The following MSRB3 variants were observed in gnomAD, a reference collection of about 807,000 sequenced individuals.
MSRB3 encodes the protein methionine sulfoxide reductase B3.
In MSRB3, 13 loss-of-function variants were observed where a neutral mutation model predicts 21.0. The observed-to-expected ratio is 0.62, with a 90% CI of 0.40 to 0.98. The LOEUF is 0.98. Ranked by LOEUF, MSRB3 falls within the 50% of genes least tolerant of loss-of-function variation. The pLI, the probability that MSRB3 is intolerant of heterozygous loss-of-function variation, is 0.00. For synonymous variants in MSRB3, 87 were observed against 88.6 expected, an observed-to-expected ratio of 0.98 and a Z score of 0.10; for missense variants, 199 against 230.3, an observed-to-expected ratio of 0.86 and a Z score of 0.88.
chr12:65,351,478 G>T (rs1177521980), intron 4 of MSRB3, among the ~76,000 whole-genome samples: 1 of 147,840 alleles, frequency 6.8e-6, no homozygotes, highest in Non-Finnish European at 1.5e-5. Context: ...AGAACTGAAG[G>T]AAATAGAGAC....
intron 1 of MSRB3, among the ~76,000 whole-genome samples, chr12:65,298,748 T>C (rs1873134597): frequency 6.6e-6 from 1 of 152,212 alleles, no homozygotes; most frequent in South Asian, 2.1e-4. Flanking sequence ...AGATATTTAC[T>C]TGTAATTTCC....
chr12:65,428,129 AATGG>A (rs1289367288), intron 5 of MSRB3, among the ~76,000 whole-genome samples: 1 of 152,070 alleles, frequency 6.6e-6, no homozygotes, highest in Non-Finnish European at 1.5e-5. Context: ...TGTGAAGAAT[AATGG>A]TTTGTTATTT....
At chr12:65,405,691 T>C (rs1386594226) in intron 5 of MSRB3, among the ~76,000 whole-genome samples, 1 of 152,100 alleles carries the variant, frequency 6.6e-6, no homozygotes, top group Non-Finnish European at 1.5e-5. Flanking sequence ...TCTATACTAA[T>C]TCCCACCAAC....
chr12:65,329,752 A>C (rs1238698885), intron 4 of MSRB3, among the ~76,000 whole-genome samples: 1 of 152,224 alleles, frequency 6.6e-6, no homozygotes, highest in Non-Finnish European at 1.5e-5. Flanking sequence ...AAACACACTT[A>C]ATATCTCTCC....
At chr12:65,283,431 G>A (rs1592484709) in intron 1 of MSRB3, among the ~76,000 whole-genome samples, 3 of 151,366 alleles carry the variant, frequency 2.0e-5, no homozygotes, top group Admixed American at 2.0e-4. Context: ...GAATCACCTA[G>A]AATTTTTTTT....
intron 5 of MSRB3, among the ~76,000 whole-genome samples, chr12:65,385,096 T>C (rs935176872): frequency 6.6e-6 from 1 of 152,152 alleles, no homozygotes; most frequent in Non-Finnish European, 1.5e-5. Context: ...AAATACTACA[T>C]AAAACAGCAA....
At chr12:65,396,747 A>AGAAAGAAAGAAG (rs1879835415) in intron 5 of MSRB3, among the ~76,000 whole-genome samples, 1 of 148,690 alleles carries the variant, frequency 6.7e-6, no homozygotes, top group African/African-American at 2.5e-5. Context: ...AAAGAAAGAA[A>AGAAAGAAAGAAG]GAAAGAAAAC....
At chr12:65,389,548 C>T (rs530661180) in intron 5 of MSRB3, among the ~76,000 whole-genome samples, 14 of 152,190 alleles carry the variant, frequency 9.2e-5, no homozygotes, top group Non-Finnish European at 1.9e-4. Flanking sequence ...CTAATTCTTG[C>T]TATCCTCACG....
At chr12:65,317,884 A>G in intron 2 of MSRB3, among the ~76,000 whole-genome samples, 1 of 152,322 alleles carries the variant, frequency 6.6e-6, no homozygotes, top group South Asian at 2.1e-4. Flanking sequence ...AATAGCAATA[A>G]TTAAAGTGGA....
chr12:65,455,864 G>A (rs1014566015), intron 6 of MSRB3, among the ~76,000 whole-genome samples: 1 of 152,134 alleles, frequency 6.6e-6, no homozygotes, highest in African/African-American at 2.4e-5. Context: ...AACCTCCCAA[G>A]TAGCTGGGAC....
At chr12:65,392,929 G>A (rs940846649) in intron 5 of MSRB3, among the ~76,000 whole-genome samples, 1 of 151,790 alleles carries the variant, frequency 6.6e-6, no homozygotes, top group Non-Finnish European at 1.5e-5. Flanking sequence ...TTTATTTTTT[G>A]TATTGAAAGA....
chr12:65,343,741 T>TA (rs1327275323), intron 4 of MSRB3, among the ~76,000 whole-genome samples: 9 of 152,040 alleles, frequency 5.9e-5, no homozygotes, highest in African/African-American at 2.2e-4. Context: ...GTCTGGCCCC[T>TA]AAGGCACCCT....
At chr12:65,452,915 A>G (rs1458413347) in intron 5 of MSRB3, among the ~76,000 whole-genome samples, 1 of 152,214 alleles carries the variant, frequency 6.6e-6, no homozygotes, top group Admixed American at 6.5e-5. Flanking sequence ...AACTCCAGAC[A>G]TATTTTGGGG....
intron 1 of MSRB3, among the ~76,000 whole-genome samples, chr12:65,301,093 T>C (rs1378950457): frequency 6.6e-6 from 1 of 152,016 alleles, no homozygotes; most frequent in Non-Finnish European, 1.5e-5. Context: ...TACACACATA[T>C]ATACACACAC....
intron 4 of MSRB3, among the ~76,000 whole-genome samples, chr12:65,337,161 T>A (rs1875819854): frequency 6.6e-6 from 1 of 151,958 alleles, no homozygotes; most frequent in South Asian, 2.1e-4. Flanking sequence ...GAGAATGGCG[T>A]GAACCCGGAA....
intron 5 of MSRB3, among the ~76,000 whole-genome samples, chr12:65,449,239 G>A (rs536202924): frequency 7.1e-6 from 1 of 141,676 alleles, no homozygotes; most frequent in South Asian, 2.2e-4. Flanking sequence ...GGGTTTCATT[G>A]TATTAGCCAG....
At chr12:65,306,180 T>C (rs557941921) in intron 1 of MSRB3, among the ~76,000 whole-genome samples, 31 of 152,336 alleles carry the variant, frequency 2.0e-4, no homozygotes, top group East Asian at 1.2e-3. Flanking sequence ...CAAATATATG[T>C]ATTTTAGATC....
intron 4 of MSRB3, among the ~76,000 whole-genome samples, chr12:65,360,468 A>G (rs1287036332): frequency 6.6e-6 from 1 of 152,130 alleles, no homozygotes; most frequent in African/African-American, 2.4e-5. Flanking sequence ...AGGCCTAGGG[A>G]AGAATTGTAG....
rs762663249 is a variant in MSRB3 at position 65,455,653 on chromosome 12, CAGAT to C, written c.390+1836_390+1839del. On this transcript the variant is annotated intron_variant, in intron 6 of 6. Transcript: ENST00000308259. ...ACTCTCCAGAGCTCTTTATGGTGCC[CAGAT>C]AGATAGACAGGTTGAAAAGAGTCAT... 5.3e-5 allele frequency among the ~76,000 whole-genome samples: 8 copies of C among 152,182 alleles called. No homozygotes were observed. The East Asian group carries it at 1.2e-3, about 22-fold the overall frequency.
Sources: allele counts gnomAD v4.1 joint callset (sites outside exome capture counted in the v4.1 genomes callset), GRCh38; gene constraint gnomAD v4.1.1; transcripts MANE v1.5; gene names NCBI Gene and HGNC (gene_info 2026-07-23, HGNC 2026-07-21).